The following MAF variants were observed in gnomAD, a reference collection of about 807,000 sequenced individuals.
MAF encodes MAF bZIP transcription factor.
Under a neutral mutation model 22.0 loss-of-function variants are expected in MAF, and 10 were observed. That is an observed-to-expected ratio of 0.45 (90% CI 0.28 to 0.77). The LOEUF (loss-of-function observed/expected upper bound fraction) is 0.77, where lower values mean the gene tolerates loss of function less well. Ranked by LOEUF, MAF falls within the 30% of genes least tolerant of loss-of-function variation. MAF has a pLI of 0.12. For missense variants in MAF, 544 were observed against 548.4 expected, an observed-to-expected ratio of 0.99 and a Z score of 0.08; for synonymous variants, 337 against 255.8, an observed-to-expected ratio of 1.32 and a Z score of -3.03.
the MAF span, among the ~76,000 whole-genome samples, chr16:79,415,649 C>T: frequency 3.8e-4 from 58 of 152,046 alleles, no homozygotes; most frequent in South Asian, 8.3e-3. Flanking sequence ...CTCGGGGCCA[C>T]TGACAGCTCT....
chr16:79,341,359 C>T, the MAF span, among the ~76,000 whole-genome samples: 122 of 152,240 alleles, frequency 8.0e-4, no homozygotes, highest in African/African-American at 2.8e-3. Context: ...AAGTGGAACC[C>T]CCAGCTTGGT....
the MAF span, among the ~76,000 whole-genome samples, chr16:79,355,535 A>G: frequency 1.3e-5 from 2 of 152,172 alleles, no homozygotes; most frequent in Non-Finnish European, 2.9e-5. Flanking sequence ...CCATGAATGT[A>G]TTGCTCTGGC....
the MAF span, among the ~76,000 whole-genome samples, chr16:79,228,963 A>C: frequency 1.3e-5 from 2 of 151,478 alleles, no homozygotes; most frequent in African/African-American, 4.8e-5. Context: ...TGAGGGGCCA[A>C]GATGGGCTTT....
the MAF span, among the ~76,000 whole-genome samples, chr16:79,464,532 C>T: frequency 1.3e-5 from 2 of 152,186 alleles, 1 homozygote; most frequent in Admixed American, 1.3e-4. Context: ...CAGTAAGGAA[C>T]TCAGAATTTT....
the MAF span, among the ~76,000 whole-genome samples, chr16:79,413,828 TA>T: frequency 6.6e-6 from 1 of 152,060 alleles, no homozygotes; most frequent in Non-Finnish European, 1.5e-5. Flanking sequence ...TTTTGTGGGG[TA>T]AAGCACATTA....
At chr16:79,518,303 G>A in the MAF span, among the ~76,000 whole-genome samples, 1 of 152,232 alleles carries the variant, frequency 6.6e-6, no homozygotes, top group Non-Finnish European at 1.5e-5. Context: ...TCCTTGGGAA[G>A]CCATTCGATG....
chr16:79,502,182 G>A, the MAF span, among the ~76,000 whole-genome samples: 198 of 152,268 alleles, frequency 1.3e-3, 1 homozygote, highest in Admixed American at 8.0e-3. Flanking sequence ...TACATACGGT[G>A]GAAGGAGCAT....
At chr16:79,374,588 A>G in the MAF span, among the ~76,000 whole-genome samples, 10 of 152,114 alleles carry the variant, frequency 6.6e-5, no homozygotes. Flanking sequence ...GGATTTATTG[A>G]TGATGCTATT....
chr16:79,578,869 T>C, the MAF span, among the ~76,000 whole-genome samples: 1 of 152,152 alleles, frequency 6.6e-6, no homozygotes, highest in Admixed American at 6.5e-5. Flanking sequence ...CAGAAATTTA[T>C]TTGCAGCAAG....
At chr16:79,263,119 G>A in the MAF span, among the ~76,000 whole-genome samples, 929 of 152,268 alleles carry the variant, frequency 6.1e-3, 12 homozygotes, top group African/African-American at 0.021. Flanking sequence ...CGCTTGCCAG[G>A]AACTGGGACT....
At chr16:79,363,425 G>C in the MAF span, among the ~76,000 whole-genome samples, 1 of 152,186 alleles carries the variant, frequency 6.6e-6, no homozygotes, top group African/African-American at 2.4e-5. Flanking sequence ...TTAGCCTACA[G>C]TTGGGCAAAA....
the MAF span, among the ~76,000 whole-genome samples, chr16:79,320,820 A>C: frequency 6.6e-6 from 1 of 152,180 alleles, no homozygotes; most frequent in Non-Finnish European, 1.5e-5. Context: ...GCCCTGTGTT[A>C]AGTGTTTTAT....
the MAF span, among the ~76,000 whole-genome samples, chr16:79,400,148 C>A: frequency 6.6e-6 from 1 of 152,280 alleles, no homozygotes; most frequent in African/African-American, 2.4e-5. Flanking sequence ...TAGACACCAG[C>A]AATGTGGTTA....
the MAF span, among the ~76,000 whole-genome samples, chr16:79,538,358 A>G: frequency 6.6e-6 from 1 of 152,214 alleles, no homozygotes; most frequent in Non-Finnish European, 1.5e-5. Context: ...CTGGTGATTT[A>G]TACAAAAATA....
chr16:79,418,974 G>C, the MAF span, among the ~76,000 whole-genome samples: 1 of 152,112 alleles, frequency 6.6e-6, no homozygotes, highest in African/African-American at 2.4e-5. Context: ...GATTAAAATG[G>C]GCTACTCTGG....
chr16:79,365,121 A>G, the MAF span, among the ~76,000 whole-genome samples: 1 of 152,214 alleles, frequency 6.6e-6, no homozygotes, highest in African/African-American at 2.4e-5. Flanking sequence ...TTTTGGGTTT[A>G]CTAGTATAGG....
chr16:79,216,573 GT>G, the MAF span, among the ~76,000 whole-genome samples: 3 of 152,164 alleles, frequency 2.0e-5, no homozygotes, highest in Admixed American at 2.0e-4. Flanking sequence ...AAATGGTTGT[GT>G]TAAATGCCTT....
intron 1 of MAF, among the ~76,000 whole-genome samples, chr16:79,588,342 T>C (rs922767630): frequency 2.0e-5 from 3 of 152,218 alleles, no homozygotes; most frequent in Non-Finnish European, 4.4e-5. Flanking sequence ...GCTCTGCGCA[T>C]GTCTACCAAA....
the MAF span, among the ~76,000 whole-genome samples, chr16:79,272,399 T>A: frequency 1.3e-5 from 2 of 152,216 alleles, no homozygotes; most frequent in Non-Finnish European, 2.9e-5. Flanking sequence ...GCGGGTCGCC[T>A]GCTCCTGGGC....
Sources: gnomAD v4.1 joint callset for allele counts (sites outside exome capture counted in the v4.1 genomes callset) on GRCh38, gnomAD v4.1.1 for gene constraint, MANE v1.5 for transcripts, NCBI Gene and HGNC (gene_info 2026-07-23, HGNC 2026-07-21) for gene names.